DST: variants seen among roughly 807,000 people sequenced by gnomAD.
DST encodes bullous pemphigoid antigen.
Under a neutral mutation model 875.2 loss-of-function variants are expected in DST, and 253 were observed. The observed-to-expected ratio is 0.29, with a 90% CI of 0.26 to 0.32. The LOEUF (loss-of-function observed/expected upper bound fraction) is 0.32. Ranked by LOEUF, DST falls within the 10% of genes least tolerant of loss-of-function variation. DST has a pLI of 1.00. For synonymous variants in DST, 3,124 were observed against 3,197.1 expected (o/e 0.98, Z 0.77); for missense variants, 8,287 against 9,111.6 (o/e 0.91, Z 3.68).
chr6:56,642,261 G>C (rs2098914017), intron 16 of DST, 149 bp downstream of exon 16: 2 of 868,156 alleles, frequency 2.3e-6, no homozygotes, highest in African/African-American at 3.3e-5. Flanking sequence ...TCTCAAGAGA[G>C]CAAACACCAA....
intron 3 of DST, among the ~76,000 whole-genome samples, chr6:56,893,584 T>TTA: frequency 9.5e-6 from 1 of 105,536 alleles, no homozygotes; most frequent in South Asian, 2.5e-4. Flanking sequence ...TTTTTTTTTT[T>TTA]TTTATTTTTT....
At chr6:56,774,444 C>G (rs2099673839) in intron 4 of DST, among the ~76,000 whole-genome samples, 1 of 152,192 alleles carries the variant, frequency 6.6e-6, no homozygotes, top group South Asian at 2.1e-4. Flanking sequence ...AGCCCATCAT[C>G]CTCTAAAGTC....
rs1228192822 is a variant in DST at position 56,594,995 on chromosome 6, G to A, written c.12196-802C>T. On this transcript the variant is annotated intron_variant, in intron 47 of 103. Coordinates refer to ENST00000680361, the MANE Select transcript of DST (RefSeq NM_001374736.1). ...GCTACTGATCCCCTCAGTCTTCAGGGAAGCAGGGAGGCATCAGGTAGGTGA... is the reference window on the plus strand; with the variant it reads ...GCTACTGATCCCCTCAGTCTTCAGGAAAGCAGGGAGGCATCAGGTAGGTGA... Among the ~76,000 whole-genome samples, 3 of 152,204 alleles carry A rather than the reference G, an allele frequency of 2.0e-5. No homozygotes were observed. In the East Asian group the frequency reaches 5.8e-4, roughly 29 times the overall value.
rs1329545752 is a variant in DST at position 56,616,004 on chromosome 6, C to T, written c.4930-1520G>A. ...TTTGCCAGTAAGAGGATCAATTATG[C>T]CCCCTGTACTGACTTGGGCTTCAAG... On this transcript the variant is annotated intron_variant, in intron 36 of 103. Transcript: ENST00000680361. The T allele has an allele frequency of 1.2e-6, 2 of 1,614,196 alleles. No individual in the cohort carries two copies. Among genetic ancestry groups the T allele is most frequent in the Non-Finnish European group, 1.7e-6 (2 of 1,180,038 alleles).
chr6:56,641,978 T>C lies in DST; in HGVS notation c.1996A>G (p.Lys666Glu). 5 of 1,613,522 alleles carry C rather than the reference T, an allele frequency of 3.1e-6. No individual in the cohort carries two copies. Among genetic ancestry groups the C allele is most frequent in the Non-Finnish European group, 4.2e-6 (5 of 1,179,734 alleles). ...ACCAATTGATCTGCCTGGTAGTATT[T>C]TCCATCAATAAGAATCTGTACATCA... is the stretch of plus-strand genomic sequence containing the variant. The part of the protein sequence containing the change: ...VIDVQILIDG[K>E]YYQADQLVQR... Residue 666 changes from lysine to glutamate, a missense_variant, in exon 17 of 104, where the codon AAA becomes GAA. Lys to Glu is a moderately conservative substitution (Grantham distance 56). Transcript: ENST00000680361.
intron 61 of DST, among the ~76,000 whole-genome samples, chr6:56,541,793 A>T (rs1274386622): frequency 6.6e-6 from 1 of 152,152 alleles, no homozygotes; most frequent in Non-Finnish European, 1.5e-5. Flanking sequence ...TTTTAGGATG[A>T]TTCTAAACAA....
chr6:56,598,111 T>C (rs939391418), intron 46 of DST, 105 bp from the exon 47 acceptor site: 123 of 1,091,066 alleles, frequency 1.1e-4, no homozygotes, highest in Non-Finnish European at 1.8e-5. Context: ...AGAATGAGGG[T>C]ACTAAAAACT....
At chr6:56,513,066 T>C (rs1019278749) in intron 72 of DST, among the ~76,000 whole-genome samples, 1 of 152,206 alleles carries the variant, frequency 6.6e-6, no homozygotes, top group Non-Finnish European at 1.5e-5. Flanking sequence ...TCAATGTTCT[T>C]TCAGGAATGC....
chr6:56,715,044 T>C (rs1193667483), intron 5 of DST, among the ~76,000 whole-genome samples: 1 of 152,226 alleles, frequency 6.6e-6, no homozygotes, highest in Non-Finnish European at 1.5e-5. Flanking sequence ...ACAGTGCCTT[T>C]CATATAGTAG....
chr6:56,770,514 T>C (rs576985414), intron 4 of DST, among the ~76,000 whole-genome samples: 80 of 152,326 alleles, frequency 5.3e-4, no homozygotes, highest in African/African-American at 1.9e-3. Context: ...CCCTATTTCA[T>C]TCCATGCATC....
intron 29 of DST, 45 bp from the exon 30 acceptor site, chr6:56,631,434 AT>A: frequency 6.5e-7 from 1 of 1,544,706 alleles, no homozygotes; most frequent in Middle Eastern, 1.7e-4. Context: ...ATCACCTGTG[AT>A]GAGGTGTTTT....
chr6:56,941,791 G>A (rs995603452), intron 2 of DST, among the ~76,000 whole-genome samples: 2 of 152,132 alleles, frequency 1.3e-5, no homozygotes, highest in African/African-American at 2.4e-5. Context: ...AATGAGTGTG[G>A]TGTTTCTAGA....
chr6:56,720,884 G>A (rs1444117085), intron 5 of DST, among the ~76,000 whole-genome samples: 1 of 151,726 alleles, frequency 6.6e-6, no homozygotes, highest in Non-Finnish European at 1.5e-5. Flanking sequence ...TCCCAGACAG[G>A]GTGGCGGCCG....
At chr6:56,821,424 T>C (rs4415160) in intron 4 of DST, among the ~76,000 whole-genome samples, 23,338 of 152,162 alleles carry the variant, frequency 0.15, 2,044 homozygotes, top group Non-Finnish European at 0.18. Context: ...GAGGTAGAAG[T>C]ATACTGCATA....
intron 49 of DST, among the ~76,000 whole-genome samples, chr6:56,580,015 C>A (rs376383156): frequency 8.5e-5 from 13 of 152,170 alleles, no homozygotes; most frequent in Admixed American, 4.6e-4. Context: ...ACCGTTCGGT[C>A]TGTTTGGACT....
intron 2 of DST, among the ~76,000 whole-genome samples, chr6:56,929,892 A>C (rs1809236014): frequency 6.6e-6 from 1 of 152,234 alleles, no homozygotes; most frequent in Admixed American, 6.5e-5. Flanking sequence ...ATCAACACTA[A>C]ATTCAATGAA....
chr6:56,782,444 A>C (rs1229921601), intron 4 of DST, among the ~76,000 whole-genome samples: 6 of 149,896 alleles, frequency 4.0e-5, no homozygotes, highest in African/African-American at 1.5e-4. Flanking sequence ...TTCCTGGTTT[A>C]GTCTTGGGAG....
chr6:56,538,753 T>C (rs2097064888), intron 61 of DST, among the ~76,000 whole-genome samples: 1 of 152,224 alleles, frequency 6.6e-6, no homozygotes, highest in Non-Finnish European at 1.5e-5. Context: ...GCAGTTTATA[T>C]ATAACAATAA....
In DST at chr6:56,638,656, G is replaced by A. The variant is rs970074709; in HGVS notation, c.2964+603C>T. On this transcript the variant is annotated intron_variant, in intron 22 of 103. Transcript: ENST00000680361. The stretch of plus-strand genomic sequence containing the variant: ...TTAAAACATTGTCCCAACTGCATAG[G>A]CAACCTGATAAATCCCATCTCAATT... Among the ~76,000 whole-genome samples the A allele has an allele frequency of 6.6e-5, 10 of 152,116 alleles. No individual in the cohort carries two copies. The East Asian group carries it at 1.9e-3, about 29-fold the overall frequency.
Sources: allele counts gnomAD v4.1 joint callset (sites outside exome capture counted in the v4.1 genomes callset), GRCh38; gene constraint gnomAD v4.1.1; transcripts MANE v1.5; gene names NCBI Gene and HGNC (gene_info 2026-07-23, HGNC 2026-07-21).